Variants in FAM20A observed in about 807,000 individuals in gnomAD.
FAM20A encodes the protein pseudokinase FAM20A.
Under a neutral mutation model 52.0 loss-of-function variants are expected in FAM20A, and 42 were observed. The observed-to-expected ratio is 0.81, with a 90% confidence interval of 0.63 to 1.04. The LOEUF (loss-of-function observed/expected upper bound fraction) is 1.04. FAM20A is among the 50% of genes least tolerant of loss of function. The probability of loss-of-function intolerance (pLI) is 0.00; values close to 1 mark genes in which losing one functional copy is unlikely to be tolerated. For missense variants in FAM20A, 742 were observed against 712.7 expected, an observed-to-expected ratio of 1.04 and a Z score of -0.47; for synonymous variants, 304 against 298.9, an observed-to-expected ratio of 1.02 and a Z score of -0.18.
intron 1 of FAM20A, among the ~76,000 whole-genome samples, chr17:68,580,699 C>A (rs1440540292): frequency 6.6e-6 from 1 of 152,212 alleles, no homozygotes; most frequent in African/African-American, 2.4e-5. Flanking sequence ...TCAAGAGGAA[C>A]CAGTGTCCCA....
chr17:68,559,659 A>G (rs927045468), intron 1 of FAM20A, among the ~76,000 whole-genome samples: 1 of 152,210 alleles, frequency 6.6e-6, no homozygotes, highest in Admixed American at 6.5e-5. Context: ...TTAAGTAGCA[A>G]ATGCATTTAC....
At chr17:68,575,574 A>ATATTTT (rs1356917444) in intron 1 of FAM20A, among the ~76,000 whole-genome samples, 3 of 104,662 alleles carry the variant, frequency 2.9e-5, no homozygotes, top group African/African-American at 1.1e-4. Context: ...TATATTATAT[A>ATATTTT]ATATATTCTA....
chr17:68,592,286 TA>T (rs1293134342), intron 1 of FAM20A, among the ~76,000 whole-genome samples: 1 of 151,946 alleles, frequency 6.6e-6, no homozygotes, highest in African/African-American at 2.4e-5. Context: ...TGAATGGGGT[TA>T]AAAAAAAGTA....
At chr17:68,564,827 T>TGCACC (rs1175328999) in intron 1 of FAM20A, among the ~76,000 whole-genome samples, 1 of 152,116 alleles carries the variant, frequency 6.6e-6, no homozygotes, top group Non-Finnish European at 1.5e-5. Context: ...GGTGCCAATC[T>TGCACC]GCACCCTGTT....
chr17:68,564,491 G>A (rs1428338810), intron 1 of FAM20A, among the ~76,000 whole-genome samples: 3 of 152,208 alleles, frequency 2.0e-5, no homozygotes, highest in Non-Finnish European at 4.4e-5. Flanking sequence ...CATCCCATAA[G>A]CAAGGGAATG....
At chr17:68,580,516 T>G (rs140963951) in intron 1 of FAM20A, among the ~76,000 whole-genome samples, 68 of 152,230 alleles carry the variant, frequency 4.5e-4, no homozygotes, top group African/African-American at 1.6e-3. Context: ...CCTGACCTCA[T>G]AGAACCACAG....
At chr17:68,547,267 T>C (rs543020524) in intron 4 of FAM20A, among the ~76,000 whole-genome samples, 68 of 152,258 alleles carry the variant, frequency 4.5e-4, no homozygotes, top group Admixed American at 3.3e-3. Context: ...TCTTTATCAT[T>C]ATTATTATTA....
chr17:68,581,563 C>G (rs780081483), intron 1 of FAM20A, among the ~76,000 whole-genome samples: 1 of 127,870 alleles, frequency 7.8e-6, no homozygotes, highest in Non-Finnish European at 1.6e-5. Context: ...TCTTTCCTCT[C>G]TCTCTCTTTC....
chr17:68,572,185 G>C (rs1040729670), intron 1 of FAM20A, among the ~76,000 whole-genome samples: 2 of 151,456 alleles, frequency 1.3e-5, no homozygotes, highest in Non-Finnish European at 2.9e-5. Context: ...ACTTCCCAAA[G>C]TACTGGGATT....
chr17:68,587,636 G>T (rs1485585683), intron 1 of FAM20A, among the ~76,000 whole-genome samples: 4 of 152,192 alleles, frequency 2.6e-5, no homozygotes, highest in African/African-American at 9.7e-5. Context: ...CAGTTAGTCT[G>T]GGGCAATGGG....
In FAM20A at chr17:68,600,794, T is replaced by C; in HGVS notation, c.-128A>G. 1 of 1,050,500 alleles carries C rather than the reference T, an allele frequency of 9.5e-7. No individual in the cohort carries two copies. The highest frequency in any genetic ancestry group is 1.3e-6 in the Non-Finnish European group (1 of 748,368). 65.1% of individuals were successfully genotyped at this position (1,050,500 alleles called of 1,614,324 possible). On this transcript the variant is annotated 5_prime_UTR_variant, in exon 1 of 11. Transcript: ENST00000592554. This position sits in a 1 kb window ranked among gnomAD's most constrained non-coding sequence, Gnocchi z 6.2. ...TGGGCCGGGGTCAGTGAGACCGGAA[T>C]GCTCCCCGCGCGGGCTAGTCCCCTG...
chr17:68,574,693 T>C (rs1453987073), intron 1 of FAM20A, among the ~76,000 whole-genome samples: 1 of 152,210 alleles, frequency 6.6e-6, no homozygotes, highest in African/African-American at 2.4e-5. Context: ...CTGCTTAATT[T>C]CCCAGTTACC....
intron 3 of FAM20A, among the ~76,000 whole-genome samples, chr17:68,554,281 T>C (rs2143700761): frequency 6.6e-6 from 1 of 152,186 alleles, no homozygotes; most frequent in South Asian, 2.1e-4. Flanking sequence ...TTTATATTTT[T>C]TGGAAGAGAC....
intron 1 of FAM20A, chr17:68,582,339 C>T (rs1237671316): frequency 6.6e-6 from 1 of 152,006 alleles, no homozygotes; most frequent in Non-Finnish European, 1.5e-5. Context: ...TAATTGACGT[C>T]GAAGTGATGG....
At chr17:68,584,189 C>T (rs932951694) in intron 1 of FAM20A, among the ~76,000 whole-genome samples, 7 of 151,008 alleles carry the variant, frequency 4.6e-5, no homozygotes, top group South Asian at 2.1e-4. Context: ...TGGTGGCACA[C>T]GCCTGTAATC....
chr17:68,578,543 T>C (rs1328721650), intron 1 of FAM20A, among the ~76,000 whole-genome samples: 1 of 152,168 alleles, frequency 6.6e-6, no homozygotes. Flanking sequence ...GAGATATTAA[T>C]GTGTTTTTTG....
chr17:68,542,146 G>C lies in FAM20A; in HGVS notation c.948C>G (p.Phe316Leu). 1 of 1,614,074 alleles carries C rather than the reference G, an allele frequency of 6.2e-7. No individual in the cohort carries two copies. The highest frequency in any genetic ancestry group is 1.1e-5 in the South Asian group (1 of 91,088). Residue 316 changes from phenylalanine to leucine, a missense_variant, in exon 7 of 11, where the codon TTC (phenylalanine) becomes TTG (leucine). Phe to Leu is a conservative substitution (Grantham distance 22). Coordinates refer to ENST00000592554, the MANE Select transcript of FAM20A (RefSeq NM_017565.4). ...FVSPASNVCF[F>L]AKCPYMCKTE... Reference sequence around the variant, plus strand: ...TCTTGCACATGTATGGACACTTGGCGAAGAAGCACACGTTGCTCGCTGGAG... The same window carrying C: ...TCTTGCACATGTATGGACACTTGGCCAAGAAGCACACGTTGCTCGCTGGAG...
Position 68,572,377 on chromosome 17 carries a change from G to A in FAM20A, c.405-16634C>T, listed in dbSNP as rs746628718. On this transcript the variant is annotated intron_variant, in intron 1 of 10. Transcript: ENST00000592554. ...CAATTGTGCAATTCACAATCCAGGCGTATTTGTTGAGCACTTTCAGAGACA... is the reference window on the plus strand; with the variant it reads ...CAATTGTGCAATTCACAATCCAGGCATATTTGTTGAGCACTTTCAGAGACA... 3.3e-5 allele frequency among the ~76,000 whole-genome samples: 5 copies of A among 152,214 alleles called. No individual in the cohort carries two copies. The South Asian group carries it at 6.2e-4, about 19-fold the overall frequency.
intron 8 of FAM20A, chr17:68,540,631 TTA>T (rs2086243810): frequency 1.5e-6 from 1 of 657,844 alleles, no homozygotes; most frequent in Non-Finnish European, 2.8e-6. Flanking sequence ...GATGCCTGCC[TTA>T]TGAGTGACGA....
Sources: allele counts gnomAD v4.1 joint callset (sites outside exome capture counted in the v4.1 genomes callset), GRCh38; gene constraint gnomAD v4.1.1; non-coding constraint Gnocchi (gnomAD v3.1); transcripts MANE v1.5; gene names NCBI Gene and HGNC (gene_info 2026-07-23, HGNC 2026-07-21).